Variants in USP25 observed in about 807,000 individuals in gnomAD.
USP25 encodes ubiquitin specific peptidase 25.
A neutral mutation model predicts 158.5 loss-of-function variants in USP25; 85 were observed. The observed-to-expected ratio is 0.54, with a 90% CI of 0.45 to 0.64. The LOEUF (loss-of-function observed/expected upper bound fraction) is 0.64. Ranked by LOEUF, USP25 falls within the 30% of genes least tolerant of loss-of-function variation. USP25 has a pLI of 0.00. For missense variants in USP25, 1,242 were observed against 1,327.3 expected, an observed-to-expected ratio of 0.94 and a Z score of 1.00; for synonymous variants, 464 against 460.4, an observed-to-expected ratio of 1.01 and a Z score of -0.10.
chr21:15,866,336 G>A lies in USP25; in HGVS notation c.2797G>A (p.Glu933Lys), dbSNP rs1422742332. 6.2e-7 allele frequency: 1 copy of A among 1,602,546 alleles called. No homozygotes were observed. Among genetic ancestry groups the A allele is most frequent in the East Asian group, 2.3e-5 (1 of 44,222 alleles). ...AAAACCTGAAGAAGTAAACTTGGAG[G>A]AATATGAGGTAATGTGCTTTCTTAG... ...MIKPEEVNLE[E>K]YEEWHQDYRK... Residue 933 changes from glutamate (E) to lysine (K), a missense_variant, in exon 22 of 26, where the codon GAA becomes AAA. Coordinates refer to ENST00000400183, the MANE Select transcript of USP25 (RefSeq NM_001283041.3).
At position 15,866,167 on chromosome 21, in the gene USP25, T is replaced by C. The variant is rs1222640042; in HGVS notation, c.2727-99T>C. ...TTCTATACAAAAGTACTGCTGTTTT[T>C]GCTCAGTGTTTATGGATTTTGCTTT... On this transcript the variant is annotated intron_variant, in intron 21 of 25. Transcript: ENST00000400183. 31 of 624,382 alleles carry C rather than the reference T, an allele frequency of 5.0e-5. No individual in the cohort carries two copies. In the East Asian group the frequency reaches 1.0e-3, roughly 21 times the overall value. The allele number at this position is 624,382 out of a possible 1,614,324, so 38.7% of individuals were successfully genotyped here.
intron 20 of USP25, among the ~76,000 whole-genome samples, chr21:15,854,861 A>G (rs1036257980): frequency 1.3e-5 from 2 of 152,212 alleles, no homozygotes; most frequent in Non-Finnish European, 2.9e-5. Flanking sequence ...AATGGGCTAC[A>G]CTACACTAAC....
intron 9 of USP25, among the ~76,000 whole-genome samples, chr21:15,815,741 G>T (rs1009074809): frequency 2.0e-5 from 3 of 152,204 alleles, no homozygotes; most frequent in Non-Finnish European, 4.4e-5. Flanking sequence ...ATCAGTCAGT[G>T]TTACAGTTTT....
rs2040199209 is a variant in USP25 at position 15,878,878 on chromosome 21, AAATAAAG to A, written c.*411_*417del. ...CATAATATTTGGTAGCTTGTAAATG[AAATAAAG>A]AATAAAGTTTTATTTATGGCTACCT... On this transcript the variant is annotated 3_prime_UTR_variant, in exon 26 of 26. Coordinates refer to ENST00000400183, the MANE Select transcript of USP25 (RefSeq NM_001283041.3). 1 of 155,050 alleles carries A rather than the reference AAATAAAG, an allele frequency of 6.4e-6. No individual in the cohort carries two copies. The allele number at this position is 155,050 out of a possible 1,614,324, so 9.6% of individuals were successfully genotyped here.
Position 15,762,921 on chromosome 21 carries a change from G to T in USP25, c.76G>T (p.Glu26Ter). 1 of 1,612,848 alleles carries T rather than the reference G, an allele frequency of 6.2e-7. No homozygotes were observed. Residue 26 changes from glutamate to a stop codon, truncating the protein, a stop_gained, in exon 2 of 26, where the codon GAA becomes TAA. Coordinates refer to ENST00000400183, the MANE Select transcript of USP25 (RefSeq NM_001283041.3). LOFTEE classifies it high-confidence loss of function. ...GCAGACGTTTTTGAATCAACTGAGA[G>T]AAATTACGGGGATTAATGACACCCA... ...HQQTFLNQLR[E>*]ITGINDTQIL... is the part of the protein sequence containing the mutation.
rs1412887764 is a variant in USP25, at chr21:15,766,737, T to C, written c.268+596T>C. Among the ~76,000 whole-genome samples the C allele has an allele frequency of 1.3e-5, 2 of 152,220 alleles. No homozygotes were observed. Among genetic ancestry groups the C allele is most frequent in the Middle Eastern group, 3.4e-3 (1 of 294 alleles). On this transcript the variant is annotated intron_variant, in intron 3 of 25. Coordinates refer to ENST00000400183, the MANE Select transcript of USP25 (RefSeq NM_001283041.3). The surrounding 1 kb of genome is among the most constrained non-coding windows in gnomAD (Gnocchi z 4.0). ...TCATAATATGAATACTTTATACTTA[T>C]GTAGCGCACAGTTTTTCAAACTATG...
At chr21:15,827,903 C>T (rs1026362658) in intron 14 of USP25, among the ~76,000 whole-genome samples, 3 of 150,710 alleles carry the variant, frequency 2.0e-5, no homozygotes, top group Admixed American at 1.3e-4. Context: ...GAACTTTTCT[C>T]TTTCCTACTT....
chr21:15,856,566 G>T (rs1037969040), intron 20 of USP25, among the ~76,000 whole-genome samples: 2 of 152,042 alleles, frequency 1.3e-5, no homozygotes, highest in Non-Finnish European at 2.9e-5. Context: ...CCGCCTCCCG[G>T]GTTCACGCCA....
At chr21:15,827,861 A>G (rs1307324875) in intron 14 of USP25, among the ~76,000 whole-genome samples, 2 of 138,868 alleles carry the variant, frequency 1.4e-5, no homozygotes, top group East Asian at 2.1e-4. Context: ...TTTCTATTCT[A>G]TTTTTTCTTT....
intron 20 of USP25, among the ~76,000 whole-genome samples, chr21:15,853,323 A>G (rs1026540044): frequency 1.3e-5 from 2 of 152,136 alleles, no homozygotes; most frequent in Non-Finnish European, 2.9e-5. Flanking sequence ...ACACATGTAC[A>G]CGCACACGTG....
chr21:15,852,209 T>C lies in USP25; in HGVS notation c.2547+2337T>C, dbSNP rs372888628. On this transcript the variant is annotated intron_variant, in intron 20 of 25. Coordinates refer to ENST00000400183, the MANE Select transcript of USP25 (RefSeq NM_001283041.3). ...TGTTAAAAATAATTACTACAGAATT[T>C]CTATTTCACTAACCATTCTCCTTAC... Among the ~76,000 whole-genome samples the C allele has an allele frequency of 3.0e-4, 45 of 152,286 alleles. 3 individuals are homozygous for C. In the South Asian group the frequency reaches 9.3e-3, roughly 32 times the overall value.
intron 14 of USP25, 151 bp downstream of exon 14, chr21:15,827,354 TC>T (rs956703798): frequency 1.5e-5 from 11 of 709,922 alleles, no homozygotes; most frequent in Non-Finnish European, 2.3e-5. Context: ...CTAGTTTGGC[TC>T]CCCATTTTTA....
At chr21:15,820,929 A>G (rs956984775) in intron 10 of USP25, among the ~76,000 whole-genome samples, 3 of 152,006 alleles carry the variant, frequency 2.0e-5, no homozygotes, top group Non-Finnish European at 4.4e-5. Context: ...ATGATATACT[A>G]AGAGACAACT....
intron 20 of USP25, among the ~76,000 whole-genome samples, chr21:15,854,600 G>C (rs562869550): frequency 4.6e-5 from 7 of 152,108 alleles, no homozygotes; most frequent in South Asian, 2.1e-4. Context: ...TATGTATTAT[G>C]ATTAGACCAA....
At chr21:15,753,934 A>C (rs1232793025) in intron 1 of USP25, among the ~76,000 whole-genome samples, 1 of 152,110 alleles carries the variant, frequency 6.6e-6, no homozygotes, top group African/African-American at 2.4e-5. Flanking sequence ...GTGGCAACAC[A>C]AGTTATGAGA....
Position 15,826,150 on chromosome 21 carries a change from C to T in USP25, c.1305-54C>T. On this transcript the variant is annotated intron_variant, in intron 12 of 25. Transcript: ENST00000400183. The surrounding 1 kb of genome is among the most constrained non-coding windows in gnomAD (Gnocchi z 4.8). Reference sequence around the variant, plus strand: ...TCACGTTTTATAATAATAATAAAGGCCCAAATATGCTGTATATAGAAATAA... The same window carrying T: ...TCACGTTTTATAATAATAATAAAGGTCCAAATATGCTGTATATAGAAATAA... 6.5e-7 allele frequency: 1 copy of T among 1,531,020 alleles called. No homozygotes were observed. The highest frequency in any genetic ancestry group is 8.9e-7 in the Non-Finnish European group (1 of 1,128,904). The allele number at this position is 1,531,020 out of a possible 1,614,324, so 94.8% of individuals were successfully genotyped here.
chr21:15,771,472 G>C (rs1468604663), intron 3 of USP25, among the ~76,000 whole-genome samples: 1 of 152,104 alleles, frequency 6.6e-6, no homozygotes, highest in Non-Finnish European at 1.5e-5. Context: ...CTCTCTGAAG[G>C]TTGTGCGTCC....
intron 18 of USP25, among the ~76,000 whole-genome samples, chr21:15,846,781 A>G (rs2038638686): frequency 6.6e-6 from 1 of 152,168 alleles, no homozygotes; most frequent in Admixed American, 6.5e-5. Flanking sequence ...AGTTATAAAT[A>G]TGTTGAATAA....
intron 20 of USP25, among the ~76,000 whole-genome samples, chr21:15,863,903 G>C (rs978506078): frequency 1.3e-5 from 2 of 152,078 alleles, no homozygotes; most frequent in African/African-American, 4.8e-5. Flanking sequence ...TGGGCGTGGT[G>C]GTGGGCGCCT....
Sources: gnomAD v4.1 joint callset for allele counts (sites outside exome capture counted in the v4.1 genomes callset) on GRCh38, gnomAD v4.1.1 for gene constraint, Gnocchi (gnomAD v3.1) non-coding constraint, MANE v1.5 for transcripts, NCBI Gene and HGNC (gene_info 2026-07-23, HGNC 2026-07-21) for gene names.